Variants in PREX2 observed in about 807,000 individuals in gnomAD.
The protein encoded by PREX2 is phosphatidylinositol-3,4,5-trisphosphate dependent Rac exchange factor 2, also known as phosphatidylinositol 3,4,5-trisphosphate-dependent Rac exchanger 2 protein.
PREX2 carries 107 observed loss-of-function variants against 203.2 expected under a neutral mutation model. The observed-to-expected ratio is 0.53, with a 90% confidence interval of 0.45 to 0.62. The LOEUF (loss-of-function observed/expected upper bound fraction) is 0.62. PREX2 is among the 20% of genes least tolerant of loss of function. The pLI is 0.00. For synonymous variants in PREX2, 672 were observed against 663.6 expected (o/e 1.01, Z -0.19); for missense variants, 1,777 against 1,955.9 (o/e 0.91, Z 1.72).
At chr8:68,173,140 T>A (rs1326357437) in intron 35 of PREX2, among the ~76,000 whole-genome samples, 4 of 152,182 alleles carry the variant, frequency 2.6e-5, no homozygotes, top group Admixed American at 2.0e-4. Context: ...GTTAGTACCA[T>A]AAAAATAGTT....
chr8:68,084,659 G>C (rs913261265), intron 18 of PREX2, among the ~76,000 whole-genome samples: 2 of 152,112 alleles, frequency 1.3e-5, no homozygotes, highest in Admixed American at 6.6e-5. Flanking sequence ...GGAAGACGGG[G>C]CTAGAGGGCA....
rs1449839823 is a variant in PREX2 at position 68,102,898 on chromosome 8, T to G, written c.2715+3055T>G. ...CCTGGATGAATCTTAAGCGAGATGTTTTTCTCTGTGGAGCAGGATTTGGGG... is the reference window on the plus strand; with the variant it reads ...CCTGGATGAATCTTAAGCGAGATGTGTTTCTCTGTGGAGCAGGATTTGGGG... On this transcript the variant is annotated intron_variant, in intron 23 of 39. Coordinates refer to ENST00000288368, the MANE Select transcript of PREX2 (RefSeq NM_024870.4). The G allele has an allele frequency of 5.2e-5, 27 of 518,072 alleles. No individual in the cohort carries two copies. The Middle Eastern group carries it at 3.2e-3, about 61-fold the overall frequency. The allele number at this position is 518,072 out of a possible 1,614,324, so 32.1% of individuals were successfully genotyped here. A position where few individuals can be genotyped will look rare whatever the true frequency, so the allele number is the denominator to read the frequency against.
intron 39 of PREX2, among the ~76,000 whole-genome samples, chr8:68,229,986 T>C (rs1813134586): frequency 2.0e-5 from 3 of 152,212 alleles, no homozygotes; most frequent in African/African-American, 7.2e-5. Context: ...TGAAATAAGC[T>C]TCTTCTGATG....
chr8:68,080,645 C>T (rs1015885852), intron 16 of PREX2, 60 bp downstream of exon 16: 71 of 1,479,008 alleles, frequency 4.8e-5, no homozygotes, highest in African/African-American at 2.0e-4. Context: ...CAGAAGACTG[C>T]GTTAAACATG....
chr8:68,071,281 A>G (rs1809188387), intron 13 of PREX2, among the ~76,000 whole-genome samples: 2 of 152,184 alleles, frequency 1.3e-5, no homozygotes, highest in African/African-American at 4.8e-5. Flanking sequence ...GAAGGAATGT[A>G]TGATAGTCAG....
Position 68,192,374 on chromosome 8 carries a change from C to G in PREX2, c.4453C>G (p.Leu1485Val), listed in dbSNP as rs755144472. 1 of 1,611,526 alleles carries G rather than the reference C, an allele frequency of 6.2e-7. No individual in the cohort carries two copies. The highest frequency in any genetic ancestry group is 2.2e-5 in the East Asian group (1 of 44,800). Residue 1485 changes from leucine to valine, a missense_variant, in exon 37 of 40, where the codon CTG becomes GTG. Physicochemically the swap from Leu to Val is conservative, Grantham distance 32. Coordinates refer to ENST00000288368, the MANE Select transcript of PREX2 (RefSeq NM_024870.4). ...CAACGCTTTGGATGAACTTTACCGACTGGTAGCCTCGTTTATCAGATCCAA... is the reference window on the plus strand; with the variant it reads ...CAACGCTTTGGATGAACTTTACCGAGTGGTAGCCTCGTTTATCAGATCCAA... ...PLNALDELYR[L>V]VASFIRSKRT... is the part of the protein sequence containing the mutation.
At chr8:68,152,700 G>A (rs1256268452) in intron 34 of PREX2, among the ~76,000 whole-genome samples, 1 of 152,060 alleles carries the variant, frequency 6.6e-6, no homozygotes, top group Non-Finnish European at 1.5e-5. Flanking sequence ...GGAAGGCCTG[G>A]ATTTCCCTGG....
In PREX2 at chr8:68,022,091, A is replaced by C. The variant is rs753306339; in HGVS notation, c.392A>C (p.Lys131Thr). 1.3e-6 allele frequency: 2 copies of C among 1,583,152 alleles called. No individual in the cohort carries two copies. Among genetic ancestry groups the C allele is most frequent in the Non-Finnish European group, 1.7e-6 (2 of 1,152,152 alleles). Residue 131 changes from lysine to threonine, a missense_variant, in exon 4 of 40, where the codon AAA becomes ACA. By Grantham distance (78) the Lys-to-Thr change is moderately conservative. Transcript: ENST00000288368. ...EYCSNHEKAQ[K>T]LLLELNKIRT... ...TGTAGTAACCATGAGAAGGCACAAAAATTACTTCTTGAACTCAACAAAATA... is the reference window on the plus strand; with the variant it reads ...TGTAGTAACCATGAGAAGGCACAAACATTACTTCTTGAACTCAACAAAATA...
intron 19 of PREX2, 117 bp from the exon 20 acceptor site, chr8:68,090,462 A>T: frequency 1.1e-6 from 1 of 883,830 alleles, no homozygotes; most frequent in Non-Finnish European, 1.7e-6. Context: ...GTTTATCAAG[A>T]TTATACTAGC....
At chr8:68,155,338 G>A (rs1024960199) in intron 34 of PREX2, among the ~76,000 whole-genome samples, 7 of 152,114 alleles carry the variant, frequency 4.6e-5, no homozygotes, top group African/African-American at 1.7e-4. Context: ...AATGTAGTAT[G>A]TTTTCTCCCT....
At chr8:68,011,832 A>C (rs548094888) in intron 1 of PREX2, among the ~76,000 whole-genome samples, 4 of 152,180 alleles carry the variant, frequency 2.6e-5, no homozygotes, top group African/African-American at 9.7e-5. Context: ...GGGAATCAAG[A>C]CTGCAGAAAC....
chr8:68,101,903 T>A (rs1167284367), intron 23 of PREX2, among the ~76,000 whole-genome samples: 1 of 152,092 alleles, frequency 6.6e-6, no homozygotes, highest in African/African-American at 2.4e-5. Flanking sequence ...AATCTTAGGA[T>A]CAGGGTATAT....
At chr8:68,174,667 C>T (rs367935899) in intron 35 of PREX2, among the ~76,000 whole-genome samples, 87 of 152,244 alleles carry the variant, frequency 5.7e-4, no homozygotes, top group African/African-American at 2.0e-3. Context: ...ACCCATTATG[C>T]TTTATATACT....
chr8:68,211,750 G>A (rs1812746311), intron 37 of PREX2, among the ~76,000 whole-genome samples: 1 of 152,182 alleles, frequency 6.6e-6, no homozygotes, highest in African/African-American at 2.4e-5. Context: ...GATTGGGGGA[G>A]GGGTTTGTAC....
chr8:68,194,201 A>G (rs996521481), intron 37 of PREX2, among the ~76,000 whole-genome samples: 3 of 152,212 alleles, frequency 2.0e-5, no homozygotes, highest in African/African-American at 7.2e-5. Context: ...TTGAGCACCA[A>G]TCATGTGCCA....
At chr8:68,010,466 T>C (rs1441795719) in intron 1 of PREX2, among the ~76,000 whole-genome samples, 1 of 152,196 alleles carries the variant, frequency 6.6e-6, no homozygotes, top group Non-Finnish European at 1.5e-5. Flanking sequence ...ACAGTAGAAG[T>C]AATGGGACTA....
intron 37 of PREX2, among the ~76,000 whole-genome samples, chr8:68,200,877 C>T (rs1563585060): frequency 6.6e-6 from 1 of 152,034 alleles, no homozygotes; most frequent in Non-Finnish European, 1.5e-5. Context: ...AACCTAGGTC[C>T]TAATATGTCA....
intron 37 of PREX2, 120 bp from the exon 38 acceptor site, chr8:68,217,496 C>A: frequency 1.5e-6 from 1 of 663,784 alleles, no homozygotes; most frequent in South Asian, 1.9e-5. Flanking sequence ...ATCAGCGGTT[C>A]ATTGTCTAGC....
chr8:67,952,779 T>C, intron 1 of PREX2: 2 of 612,416 alleles, frequency 3.3e-6, no homozygotes, highest in Non-Finnish European at 2.9e-6. Flanking sequence ...TCTGAAAAGT[T>C]AGCTCTAGAG....
Sources: allele counts gnomAD v4.1 joint callset (sites outside exome capture counted in the v4.1 genomes callset), GRCh38; gene constraint gnomAD v4.1.1; transcripts MANE v1.5; gene names NCBI Gene and HGNC (gene_info 2026-07-23, HGNC 2026-07-21).